FGF12: variants seen among roughly 807,000 people sequenced by gnomAD.
FGF12 encodes fibroblast growth factor 12B.
Under a neutral mutation model 23.6 loss-of-function variants are expected in FGF12, and 14 were observed. The ratio of observed to expected loss-of-function variants is 0.59; its 90% confidence interval spans 0.39 to 0.93. The LOEUF is 0.93. Ranked by LOEUF, FGF12 falls within the 40% of genes least tolerant of loss-of-function variation. FGF12 has a pLI of 0.00. For missense variants in FGF12, 175 were observed against 217.8 expected, an observed-to-expected ratio of 0.80 and a Z score of 1.24; for synonymous variants, 62 against 77.3, an observed-to-expected ratio of 0.80 and a Z score of 1.04.
At chr3:192,566,488 A>G (rs1269050865) in intron 2 of FGF12, among the ~76,000 whole-genome samples, 1 of 152,228 alleles carries the variant, frequency 6.6e-6, no homozygotes, top group East Asian at 1.9e-4. Flanking sequence ...GAAGCTAAAA[A>G]GACTTGGAGA....
rs9844556 is a variant in FGF12 at position 192,480,454 on chromosome 3, A to G, written c.14-119916T>C. On this transcript the variant is annotated intron_variant, in intron 2 of 5. Coordinates refer to ENST00000445105, the MANE Select transcript of FGF12 (RefSeq NM_004113.6). ...GTCACTCATTGTAGAAATGGCATAT[A>G]ATTGCTGTGCTGGCCAGTGCAAAGA... 8.8e-3 allele frequency among the ~76,000 whole-genome samples: 1,339 copies of G among 152,274 alleles called. 17 individuals carry two copies. The highest frequency in any genetic ancestry group is 0.03 in the African/African-American group (1,228 of 41,562).
Position 192,705,107 on chromosome 3 carries a change from T to C in FGF12, c.13+22074A>G, listed in dbSNP as rs573204662. Among the ~76,000 whole-genome samples the C allele has an allele frequency of 2.0e-5, 3 of 152,370 alleles. No homozygotes were observed. In the South Asian group the frequency reaches 6.2e-4, roughly 32 times the overall value. ...ATTTCCTTATCCTTCCTGTGTTCAC[T>C]GGAGTAGCACTTTCAATTTCTTTCA... On this transcript the variant is annotated intron_variant, in intron 2 of 5. Transcript: ENST00000445105.
At chr3:192,321,457 C>T (rs1036582078) in intron 4 of FGF12, among the ~76,000 whole-genome samples, 1 of 146,518 alleles carries the variant, frequency 6.8e-6, no homozygotes, top group Non-Finnish European at 1.5e-5. Context: ...TCTGTGAGGC[C>T]AGTACTACCC....
chr3:192,517,768 T>A (rs2030042738), intron 2 of FGF12, among the ~76,000 whole-genome samples: 1 of 152,234 alleles, frequency 6.6e-6, no homozygotes, highest in South Asian at 2.1e-4. Flanking sequence ...AGAATTGTAT[T>A]ACTTAGACAG....
At position 192,360,072 on chromosome 3, in the gene FGF12, T is replaced by G. The variant is rs1174399124; in HGVS notation, c.124+356A>C. ...TGTTCATTATTGAACTATAACTTGTTCATCACTTGGTTCCGGGATTTAAAT... is the reference window on the plus strand; with the variant it reads ...TGTTCATTATTGAACTATAACTTGTGCATCACTTGGTTCCGGGATTTAAAT... On this transcript the variant is annotated intron_variant, in intron 3 of 5. Coordinates refer to ENST00000445105, the MANE Select transcript of FGF12 (RefSeq NM_004113.6). This position sits in a 1 kb window ranked among gnomAD's most constrained non-coding sequence, Gnocchi z 4.3. Among the ~76,000 whole-genome samples the G allele has an allele frequency of 6.6e-6, 1 of 152,146 alleles. No homozygotes were observed.
chr3:192,676,202 C>A (rs1425834874), intron 2 of FGF12, among the ~76,000 whole-genome samples: 1 of 152,206 alleles, frequency 6.6e-6, no homozygotes, highest in East Asian at 1.9e-4. Context: ...TCTGTTGGAG[C>A]AACCCCTGGC....
chr3:192,599,254 T>TATAATAATAATAATAATA lies in FGF12; in HGVS notation c.13+127909_13+127926dup, dbSNP rs11269443. Among the ~76,000 whole-genome samples, 133 of 98,332 alleles carry TATAATAATAATAATAATA rather than the reference T, an allele frequency of 1.4e-3. 1 individual carries two copies. The highest frequency in any genetic ancestry group is 4.2e-3 in the African/African-American group (96 of 22,882). The allele number at this position is 98,332 out of a possible 152,430, so 64.5% of individuals were successfully genotyped here. ...TGCACACGTACCCCAGAACTTGAAG[T>TATAATAATAATAATAATA]ATAATAATAATAATAATAATAATAA... On this transcript the variant is annotated intron_variant, in intron 2 of 5. Transcript: ENST00000445105.
intron 3 of FGF12, among the ~76,000 whole-genome samples, chr3:192,339,945 G>A (rs1052538199): frequency 6.6e-6 from 1 of 152,062 alleles, no homozygotes; most frequent in Non-Finnish European, 1.5e-5. Context: ...AGGTTTTCTT[G>A]TTAGAATGAA....
intron 2 of FGF12, among the ~76,000 whole-genome samples, chr3:192,631,981 A>G (rs909995664): frequency 6.6e-6 from 1 of 152,214 alleles, no homozygotes. Context: ...GAACTGCTCC[A>G]TTTCAGCTTC....
At chr3:192,192,748 A>G (rs1716858777) in intron 4 of FGF12, among the ~76,000 whole-genome samples, 1 of 152,084 alleles carries the variant, frequency 6.6e-6, no homozygotes, top group Non-Finnish European at 1.5e-5. Flanking sequence ...CTTTAATTCT[A>G]TATTGTTGCA....
chr3:192,638,672 T>C (rs1416426927), intron 2 of FGF12, among the ~76,000 whole-genome samples: 3 of 152,248 alleles, frequency 2.0e-5, no homozygotes, highest in African/African-American at 7.2e-5. Flanking sequence ...TTAGAAGCAT[T>C]AACTAATTAA....
At chr3:192,290,615 A>G (rs1001893596) in intron 4 of FGF12, among the ~76,000 whole-genome samples, 8 of 152,146 alleles carry the variant, frequency 5.3e-5, no homozygotes, top group African/African-American at 1.4e-4. Flanking sequence ...CAGAGTATTC[A>G]TTTGCCCAAG....
intron 2 of FGF12, among the ~76,000 whole-genome samples, chr3:192,432,842 G>A (rs372050520): frequency 5.3e-5 from 8 of 152,096 alleles, no homozygotes; most frequent in Non-Finnish European, 5.9e-5. Context: ...CTGACCCACC[G>A]AAACTGAGAT....
rs1380522465 is a variant in FGF12 at position 192,144,026 on chromosome 3, T to C, written c.529A>G (p.Asn177Asp). 1 of 1,609,954 alleles carries C rather than the reference T, an allele frequency of 6.2e-7. No homozygotes were observed. The highest frequency in any genetic ancestry group is 8.5e-7 in the Non-Finnish European group (1 of 1,176,292). The stretch of plus-strand genomic sequence containing the variant: ...GTTCTCAGCTATGTTGAATCTTGAT[T>C]CACAACTTTGCCTCCATTCATGGTT... Reference protein sequence around the residue: ...TPTMNGGKVVNQDST With the variant: ...TPTMNGGKVVDQDST Residue 177 changes from asparagine (N) to aspartate (D), a missense_variant, in exon 6 of 6, where the codon AAT (asparagine) becomes GAT (aspartate). By Grantham distance (23) the Asn-to-Asp change is conservative. Coordinates refer to ENST00000445105, the MANE Select transcript of FGF12 (RefSeq NM_004113.6).
chr3:192,567,247 C>G (rs959185591), intron 2 of FGF12, among the ~76,000 whole-genome samples: 1 of 151,960 alleles, frequency 6.6e-6, no homozygotes, highest in Non-Finnish European at 1.5e-5. Context: ...AATGGGAATA[C>G]TCTACCTTCA....
At position 192,514,985 on chromosome 3, in the gene FGF12, C is replaced by T; in HGVS notation, c.14-154447G>A. The stretch of plus-strand genomic sequence containing the variant: ...GCCCTCCGAGAGCCCGAGGCGCTGC[C>T]ACCCCTCGGTGGGCTCGAGCACGGC... On this transcript the variant is annotated intron_variant, in intron 2 of 5. Transcript: ENST00000445105. This position sits in a 1 kb window ranked among gnomAD's most constrained non-coding sequence, Gnocchi z 4.9. 1 of 391,856 alleles carries T rather than the reference C, an allele frequency of 2.6e-6. No individual in the cohort carries two copies. Among genetic ancestry groups the T allele is most frequent in the Non-Finnish European group, 3.5e-6 (1 of 287,330 alleles). The allele number at this position is 391,856 out of a possible 1,614,324, so 24.3% of individuals were successfully genotyped here. A position where few individuals can be genotyped will look rare whatever the true frequency, so the allele number is the denominator to read the frequency against.
chr3:192,399,872 T>C (rs1720682326), intron 2 of FGF12, among the ~76,000 whole-genome samples: 1 of 152,230 alleles, frequency 6.6e-6, no homozygotes, highest in Non-Finnish European at 1.5e-5. Flanking sequence ...CTCTACTGAC[T>C]CCTGAAAAGT....
chr3:192,195,137 A>C (rs1320611871), intron 4 of FGF12, among the ~76,000 whole-genome samples: 1 of 152,242 alleles, frequency 6.6e-6, no homozygotes, highest in African/African-American at 2.4e-5. Flanking sequence ...CAACAAAGGC[A>C]TCGTGAACTC....
intron 2 of FGF12, among the ~76,000 whole-genome samples, chr3:192,399,919 C>T (rs1360121918): frequency 2.0e-5 from 3 of 152,226 alleles, no homozygotes; most frequent in Admixed American, 6.5e-5. Flanking sequence ...AGTCATCCCT[C>T]CCTATGTTCA....
Sources: gnomAD v4.1 joint callset for allele counts (sites outside exome capture counted in the v4.1 genomes callset) on GRCh38, gnomAD v4.1.1 for gene constraint, Gnocchi (gnomAD v3.1) non-coding constraint, MANE v1.5 for transcripts, NCBI Gene and HGNC (gene_info 2026-07-23, HGNC 2026-07-21) for gene names.